CD72: variants seen among roughly 807,000 people sequenced by gnomAD.
The protein encoded by CD72 is B-cell differentiation antigen CD72.
A neutral mutation model predicts 50.7 loss-of-function variants in CD72; 28 were observed. The observed-to-expected ratio is 0.55, with a 90% CI of 0.41 to 0.76. CD72 has a LOEUF of 0.76. CD72 is among the 30% of genes least tolerant of loss of function. CD72 has a pLI of 0.00. For missense variants in CD72, 403 were observed against 420.6 expected (o/e 0.96, Z 0.37); for synonymous variants, 176 against 171.2 (o/e 1.03, Z -0.22).
At chr9:35,617,041 G>C (rs770360890) in intron 3 of CD72, 135 bp downstream of exon 3, 9 of 1,470,154 alleles carry the variant, frequency 6.1e-6, no homozygotes, top group South Asian at 5.5e-5. Flanking sequence ...AATGTGGCAC[G>C]GCAGCCCGGG....
rs767517894 is a variant in CD72 at position 35,612,977 on chromosome 9, C to A, written c.705G>T (p.Ser235=). The A allele has an allele frequency of 3.7e-6, 6 of 1,611,442 alleles. No homozygotes were observed. In the South Asian group the frequency reaches 6.6e-5, roughly 18 times the overall value. ...AGCTTTTCTGATGCATTATCCATCC[C>A]GACGGACAGCAGGTGTCTAAAAAGC... ...TCGSADTCCP[S]GWIMHQKSCF... is the part of the protein sequence containing the mutation. The change falls in exon 6 of 9, where the codon TCG becomes TCT. Residue 235 remains serine (S), a synonymous_variant. Transcript: ENST00000259633.
rs1465370473 is a variant in CD72 at position 35,617,267 on chromosome 9, G to A, written c.191-20C>T. On this transcript the variant is annotated intron_variant, in intron 2 of 8. Transcript: ENST00000259633. ...TGACCGCTGTCGAGGGGAGCATCCA[G>A]TGTGAGACCGGAAGCCCCGAGTGTT... 9 of 1,533,054 alleles carry A rather than the reference G, an allele frequency of 5.9e-6. No individual in the cohort carries two copies. The highest frequency in any genetic ancestry group is 1.4e-5 in the African/African-American group (1 of 72,590). The allele number at this position is 1,533,054 out of a possible 1,614,324, so 95.0% of individuals were successfully genotyped here.
At chr9:35,627,541 G>A (rs922443712) in intron 1 of CD72, among the ~76,000 whole-genome samples, 5 of 152,140 alleles carry the variant, frequency 3.3e-5, no homozygotes, top group Admixed American at 6.6e-5. Flanking sequence ...CTGCATGTTA[G>A]GGGATTCATG....
chr9:35,622,203 C>T (rs1156611555), upstream of CD72, among the ~76,000 whole-genome samples: 1 of 152,178 alleles, frequency 6.6e-6, no homozygotes, highest in African/African-American at 2.4e-5. Flanking sequence ...ACAAACGCCT[C>T]TTTAAAATCT....
At chr9:35,632,085 GTAAT>G (rs1302950287) in intron 1 of CD72, among the ~76,000 whole-genome samples, 1 of 151,604 alleles carries the variant, frequency 6.6e-6, no homozygotes. Flanking sequence ...GTCAATTTTG[GTAAT>G]TTATATATTT....
At chr9:35,644,425 G>A (rs1823368864) in intron 1 of CD72, among the ~76,000 whole-genome samples, 1 of 148,164 alleles carries the variant, frequency 6.7e-6, no homozygotes. Context: ...AGGGCTGTCA[G>A]ACCAGTATCG....
At chr9:35,633,063 T>C (rs1823260729) in intron 1 of CD72, among the ~76,000 whole-genome samples, 1 of 151,556 alleles carries the variant, frequency 6.6e-6, no homozygotes, top group South Asian at 2.1e-4. Flanking sequence ...CCCAAGTAGC[T>C]GGGACTACAG....
At chr9:35,621,256 G>T (rs576762174), upstream of CD72, among the ~76,000 whole-genome samples, 2 of 152,240 alleles carry the variant, frequency 1.3e-5, no homozygotes, top group Admixed American at 6.5e-5. Context: ...CCCATGTTTT[G>T]CCCTCTCCTG....
At position 35,627,426 on chromosome 9, in the gene CD72, G is replaced by A. The variant is rs767024142; in HGVS notation, n.409-9305C>T. 2.4e-4 allele frequency among the ~76,000 whole-genome samples: 36 copies of A among 150,826 alleles called. 1 individual carries two copies. Among genetic ancestry groups the A allele is most frequent in the South Asian group, 2.1e-4 (1 of 4,696 alleles). ...ATTACAGGCGAGAGCCACTGCGCCC[G>A]GCTAAACATAACTTTTATATGCATT... On this transcript the variant is annotated intron_variant and non_coding_transcript_variant, in intron 1 of 3. Transcript: ENST00000465754.
At chr9:35,615,293 C>T (rs1356782906) in intron 5 of CD72, among the ~76,000 whole-genome samples, 1 of 152,166 alleles carries the variant, frequency 6.6e-6, no homozygotes, top group Non-Finnish European at 1.5e-5. Context: ...CCAAAAACAC[C>T]CCAGTCCCCT....
chr9:35,611,454 A>G (rs1437300575), intron 7 of CD72, among the ~76,000 whole-genome samples: 1 of 152,170 alleles, frequency 6.6e-6, no homozygotes, highest in Non-Finnish European at 1.5e-5. Context: ...CTGAGAAAGT[A>G]CAACCTCAGT....
intron 1 of CD72, among the ~76,000 whole-genome samples, chr9:35,641,628 T>G (rs536199880): frequency 6.6e-6 from 1 of 152,378 alleles, no homozygotes; most frequent in African/African-American, 2.4e-5. Flanking sequence ...TTCCTCATTC[T>G]ATTTCTTCTT....
upstream of CD72, among the ~76,000 whole-genome samples, chr9:35,621,496 T>C (rs1823146521): frequency 6.6e-6 from 1 of 152,210 alleles, no homozygotes; most frequent in Non-Finnish European, 1.5e-5. Flanking sequence ...GAAGCCCTAG[T>C]TTACTGACAG....
At chr9:35,622,558 G>T (rs1823154035), upstream of CD72, among the ~76,000 whole-genome samples, 1 of 152,106 alleles carries the variant, frequency 6.6e-6, no homozygotes, top group Non-Finnish European at 1.5e-5. Flanking sequence ...GGAAGCCAAG[G>T]TGCACAGATC....
intron 1 of CD72, among the ~76,000 whole-genome samples, chr9:35,640,228 G>C (rs1231863838): frequency 6.6e-6 from 1 of 152,230 alleles, no homozygotes; most frequent in Non-Finnish European, 1.5e-5. Context: ...GATTCCAGCT[G>C]TACTTTGGGG....
intron 5 of CD72, among the ~76,000 whole-genome samples, chr9:35,615,174 G>T (rs1256952185): frequency 1.3e-5 from 2 of 152,124 alleles, no homozygotes; most frequent in African/African-American, 4.8e-5. Flanking sequence ...AGAGGGTAAG[G>T]TTAAGGAAAT....
chr9:35,623,128 A>G (rs1417458360), upstream of CD72, among the ~76,000 whole-genome samples: 1 of 152,252 alleles, frequency 6.6e-6, no homozygotes, highest in East Asian at 1.9e-4. Flanking sequence ...ATCAAAATTA[A>G]AATAAAAAAA....
chr9:35,616,924 G>C (rs939955156), intron 3 of CD72: 1 of 1,365,320 alleles, frequency 7.3e-7, no homozygotes, highest in African/African-American at 1.5e-5. Flanking sequence ...CTGGGAGAAG[G>C]GGAAGGAAAT....
intron 5 of CD72, 31 bp downstream of exon 5, chr9:35,615,912 C>T: frequency 6.4e-7 from 1 of 1,562,074 alleles, no homozygotes; most frequent in South Asian, 1.1e-5. Flanking sequence ...CAATCCATCC[C>T]TCCCTTCTCT....
Sources: gnomAD v4.1 joint callset for allele counts (sites outside exome capture counted in the v4.1 genomes callset) on GRCh38, gnomAD v4.1.1 for gene constraint, MANE v1.5 for transcripts, NCBI Gene and HGNC (gene_info 2026-07-23, HGNC 2026-07-21) for gene names.